Variants in TUSC3 observed in about 807,000 individuals in gnomAD.
TUSC3 encodes dolichyl-diphosphooligosaccharide--protein glycosyltransferase subunit TUSC3.
TUSC3 carries 45 observed loss-of-function variants against 44.8 expected under a neutral mutation model. The observed-to-expected ratio is 1.00, with a 90% CI of 0.79 to 1.29. The LOEUF (loss-of-function observed/expected upper bound fraction) is 1.29. TUSC3 is among the 50% of genes most tolerant of loss of function. The pLI is 0.00. For synonymous variants in TUSC3, 212 were observed against 152.9 expected, an observed-to-expected ratio of 1.39 and a Z score of -2.85; for missense variants, 519 against 437.9, an observed-to-expected ratio of 1.19 and a Z score of -1.65.
intron 1 of TUSC3, among the ~76,000 whole-genome samples, chr8:15,622,542 G>A (rs1805297225): frequency 6.6e-6 from 1 of 152,082 alleles, no homozygotes; most frequent in Admixed American, 6.6e-5. Context: ...CAGTCACTGT[G>A]CCTCCCAGAC....
At chr8:15,481,247 C>CAAA (rs57956608) in intron 1 of TUSC3, among the ~76,000 whole-genome samples, 1 of 83,050 alleles carries the variant, frequency 1.2e-5, no homozygotes, top group Non-Finnish European at 2.5e-5. Context: ...AACTCCATCT[C>CAAA]AAAAAAAAAA....
At chr8:15,713,965 A>T (rs1809962746) in intron 6 of TUSC3, among the ~76,000 whole-genome samples, 1 of 152,174 alleles carries the variant, frequency 6.6e-6, no homozygotes, top group Admixed American at 6.6e-5. Context: ...ACTTAAGCAA[A>T]TACCACTTGC....
At chr8:15,598,727 A>T (rs1269709043) in intron 1 of TUSC3, among the ~76,000 whole-genome samples, 1 of 151,854 alleles carries the variant, frequency 6.6e-6, no homozygotes, top group African/African-American at 2.4e-5. Flanking sequence ...TCTTTCACTT[A>T]GTAATGTACA....
At chr8:15,466,252 A>G (rs1459820644) in intron 1 of TUSC3, among the ~76,000 whole-genome samples, 1 of 152,194 alleles carries the variant, frequency 6.6e-6, no homozygotes, top group Non-Finnish European at 1.5e-5. Context: ...ATTTCAATAC[A>G]TCTAAGAATT....
chr8:15,539,133 G>A (rs963041444), upstream of TUSC3, among the ~76,000 whole-genome samples: 1 of 151,814 alleles, frequency 6.6e-6, no homozygotes, highest in Non-Finnish European at 1.5e-5. Flanking sequence ...ACAGGTGTGA[G>A]CCACCGTGCC....
chr8:15,715,913 A>G (rs1351221669), intron 6 of TUSC3, among the ~76,000 whole-genome samples: 2 of 152,136 alleles, frequency 1.3e-5, no homozygotes, highest in African/African-American at 4.8e-5. Context: ...AAAAAAATGC[A>G]AAGATCTTAA....
At chr8:15,450,971 A>G (rs1800190922) in intron 1 of TUSC3, among the ~76,000 whole-genome samples, 1 of 152,118 alleles carries the variant, frequency 6.6e-6, no homozygotes, top group South Asian at 2.1e-4. Context: ...ACTTGACCCC[A>G]TGACTAACAC....
chr8:15,624,212 A>C (rs902540073), intron 2 of TUSC3, among the ~76,000 whole-genome samples: 1 of 152,182 alleles, frequency 6.6e-6, no homozygotes, highest in African/African-American at 2.4e-5. Flanking sequence ...TGTTTATTTA[A>C]CCATTTATTT....
chr8:15,463,903 G>T (rs546374053), intron 1 of TUSC3, among the ~76,000 whole-genome samples: 1 of 152,102 alleles, frequency 6.6e-6, no homozygotes, highest in African/African-American at 2.4e-5. Flanking sequence ...TCCCATAGAG[G>T]TTTACTTGCC....
chr8:15,736,395 T>A (rs1216678107), intron 7 of TUSC3, among the ~76,000 whole-genome samples: 1 of 152,206 alleles, frequency 6.6e-6, no homozygotes, highest in Non-Finnish European at 1.5e-5. Context: ...GAAGAATTAG[T>A]ATGCATATGA....
chr8:15,573,850 G>A (rs1016944874), intron 1 of TUSC3, among the ~76,000 whole-genome samples: 2 of 151,858 alleles, frequency 1.3e-5, no homozygotes, highest in Non-Finnish European at 2.9e-5. Context: ...GAATTGTTTC[G>A]TCAGAACATG....
chr8:15,534,308 C>G (rs981530446), intron 2 of TUSC3, among the ~76,000 whole-genome samples: 2 of 152,022 alleles, frequency 1.3e-5, no homozygotes, highest in Admixed American at 6.6e-5. Context: ...TAGGTTTATA[C>G]AAAACTAGGG....
rs114195211 is a variant in TUSC3 at position 15,525,259 on chromosome 8, A to G, written n.189+41776A>G. On this transcript the variant is annotated intron_variant and non_coding_transcript_variant, in intron 2 of 5. Coordinates refer to the TUSC3 transcript ENST00000503191. ...AAACTGTACAAAGCCTACAAACACTATGATAGTACTTCAGGATGCTAGTGC... is the reference window on the plus strand; with the variant it reads ...AAACTGTACAAAGCCTACAAACACTGTGATAGTACTTCAGGATGCTAGTGC... 7.5e-3 allele frequency among the ~76,000 whole-genome samples: 1,140 copies of G among 152,198 alleles called. 13 individuals are homozygous for G. Among genetic ancestry groups the G allele is most frequent in the African/African-American group, 0.025 (1,035 of 41,534 alleles).
At chr8:15,444,189 C>A (rs1800060554) in intron 1 of TUSC3, among the ~76,000 whole-genome samples, 1 of 152,164 alleles carries the variant, frequency 6.6e-6, no homozygotes, top group South Asian at 2.1e-4. Context: ...TGACACACTG[C>A]ATCTTTGCTT....
At chr8:15,739,275 ATATT>A (rs1173826698) in intron 7 of TUSC3, among the ~76,000 whole-genome samples, 3 of 152,118 alleles carry the variant, frequency 2.0e-5, no homozygotes, top group African/African-American at 7.2e-5. Flanking sequence ...TTTTGTATGT[ATATT>A]AAGTTTTTTC....
At chr8:15,699,005 C>T (rs1439994595) in intron 6 of TUSC3, among the ~76,000 whole-genome samples, 3 of 151,958 alleles carry the variant, frequency 2.0e-5, no homozygotes, top group African/African-American at 4.8e-5. Context: ...TGCCACTGCA[C>T]CCAACTAATT....
chr8:15,423,292 C>T (rs1438062996), intron 1 of TUSC3, among the ~76,000 whole-genome samples: 1 of 152,050 alleles, frequency 6.6e-6, no homozygotes, highest in African/African-American at 2.4e-5. Context: ...TCTCTGTATC[C>T]TTTTTTGAAG....
intron 5 of TUSC3, 88 bp downstream of exon 5, chr8:15,662,384 A>G: frequency 6.4e-7 from 1 of 1,557,214 alleles, no homozygotes; most frequent in Non-Finnish European, 8.8e-7. Context: ...GCCAGATATA[A>G]CTATAATAGA....
the TUSC3 span, among the ~76,000 whole-genome samples, chr8:15,851,478 A>G: frequency 6.6e-6 from 1 of 152,228 alleles, no homozygotes; most frequent in Admixed American, 6.5e-5. Context: ...ATCCTCACAC[A>G]TATAGAGAAA....
Sources: allele counts gnomAD v4.1 joint callset (sites outside exome capture counted in the v4.1 genomes callset), GRCh38; gene constraint gnomAD v4.1.1; transcripts MANE v1.5; gene names NCBI Gene and HGNC (gene_info 2026-07-23, HGNC 2026-07-21).